ERICH1: variants seen among roughly 807,000 people sequenced by gnomAD.
ERICH1 encodes the protein glutamate-rich protein 1.
In ERICH1, 56 loss-of-function variants were observed where a neutral mutation model predicts 39.6. That is an observed-to-expected ratio of 1.41 (90% CI 1.14 to 1.77). ERICH1 has a LOEUF of 1.77. Among genes scored for constraint, ERICH1 ranks in the 40% most tolerant of loss-of-function variants. ERICH1 has a pLI of 0.00. For synonymous variants in ERICH1, 313 were observed against 223.6 expected (o/e 1.40, Z -3.57); for missense variants, 826 against 575.4 (o/e 1.44, Z -4.45).
intron 3 of ERICH1, among the ~76,000 whole-genome samples, chr8:657,277 C>T (rs540537598): frequency 2.6e-5 from 4 of 152,198 alleles, no homozygotes; most frequent in Admixed American, 6.5e-5. Context: ...CTCTTGGAGA[C>T]TAAGGGTATT....
rs113301068 is a variant in ERICH1 at position 681,902 on chromosome 8, A to C, written c.305-7855T>G. On this transcript the variant is annotated intron_variant, in intron 3 of 5. Coordinates refer to ENST00000262109, the MANE Select transcript of ERICH1 (RefSeq NM_207332.3). ...GCAAGGACCCCACCCTTGACACCTG[A>C]TTGGGCTCCTCACCCCACCACGCCT... 2.0e-3 allele frequency among the ~76,000 whole-genome samples: 305 copies of C among 152,132 alleles called. 2 individuals are homozygous for C. The highest frequency in any genetic ancestry group is 6.9e-3 in the African/African-American group (286 of 41,506).
chr8:682,820 G>A (rs991997283), intron 3 of ERICH1, among the ~76,000 whole-genome samples: 2 of 152,196 alleles, frequency 1.3e-5, no homozygotes, highest in East Asian at 1.9e-4. Context: ...GTGAAAGTAG[G>A]CTAGGCATTT....
intron 3 of ERICH1, among the ~76,000 whole-genome samples, chr8:685,433 T>A (rs541985971): frequency 1.1e-3 from 174 of 152,304 alleles, no homozygotes; most frequent in African/African-American, 4.0e-3. Context: ...AACGCAACCA[T>A]CACAGGGTCC....
At chr8:692,217 A>C (rs1809055132) in intron 3 of ERICH1, among the ~76,000 whole-genome samples, 1 of 152,244 alleles carries the variant, frequency 6.6e-6, no homozygotes, top group South Asian at 2.1e-4. Context: ...TAAAGCATTA[A>C]CAAACATGGG....
At chr8:641,796 CTT>C (rs1799019246) in intron 3 of ERICH1, among the ~76,000 whole-genome samples, 1 of 152,190 alleles carries the variant, frequency 6.6e-6, no homozygotes, top group African/African-American at 2.4e-5. Context: ...ATGAAGCTCT[CTT>C]TGGTTCCTGC....
At chr8:702,597 C>A (rs967180386) in intron 2 of ERICH1, among the ~76,000 whole-genome samples, 2 of 152,342 alleles carry the variant, frequency 1.3e-5, no homozygotes, top group East Asian at 3.9e-4. Context: ...CAATCAAAAG[C>A]TAAACATGAA....
At chr8:677,251 C>T (rs1346130278) in intron 3 of ERICH1, among the ~76,000 whole-genome samples, 9 of 152,274 alleles carry the variant, frequency 5.9e-5, no homozygotes, top group African/African-American at 2.2e-4. Context: ...CCAGCCTCCC[C>T]TCTTCATTGG....
chr8:724,511 CGGCA>C (rs1473128935), intron 1 of ERICH1, among the ~76,000 whole-genome samples: 1 of 152,046 alleles, frequency 6.6e-6, no homozygotes, highest in East Asian at 1.9e-4. Context: ...CCGGAGAGGC[CGGCA>C]CTGCCCCGAC....
At chr8:626,262 G>A (rs934531018) in intron 3 of ERICH1, 1 of 152,164 alleles carries the variant, frequency 6.6e-6, no homozygotes, top group Non-Finnish European at 1.5e-5. Context: ...AATTGTGATG[G>A]TTAAGAAAAT....
At chr8:724,028 G>A (rs1034856132) in intron 1 of ERICH1, among the ~76,000 whole-genome samples, 13 of 152,112 alleles carry the variant, frequency 8.5e-5, no homozygotes, top group Admixed American at 7.2e-4. Context: ...GCAGAAGTGG[G>A]CAAGCTTTCT....
At chr8:617,381 T>A (rs1796986100) in intron 3 of ERICH1, among the ~76,000 whole-genome samples, 1 of 152,184 alleles carries the variant, frequency 6.6e-6, no homozygotes, top group African/African-American at 2.4e-5. Context: ...GCCTCACCGT[T>A]CTCAGCACTG....
At chr8:656,841 C>T (rs1800725097) in intron 3 of ERICH1, 1 of 985,350 alleles carries the variant, frequency 1.0e-6, no homozygotes, top group African/African-American at 1.7e-5. Context: ...CCGGGGAGCC[C>T]CCCAGCATGC....
At chr8:626,446 G>A (rs2117066091) in intron 3 of ERICH1, 1 of 152,394 alleles carries the variant, frequency 6.6e-6, no homozygotes, top group Non-Finnish European at 1.5e-5. Context: ...GGGTTCTTAG[G>A]TGAAGAAATG....
chr8:651,753 G>A (rs1002777955), intron 3 of ERICH1, among the ~76,000 whole-genome samples: 7 of 148,628 alleles, frequency 4.7e-5, no homozygotes, highest in Non-Finnish European at 7.5e-5. Context: ...GAGAGAGGCT[G>A]AGACGGAGCG....
At chr8:678,369 T>C (rs968980517) in intron 3 of ERICH1, among the ~76,000 whole-genome samples, 3 of 151,870 alleles carry the variant, frequency 2.0e-5, no homozygotes, top group Non-Finnish European at 2.9e-5. Flanking sequence ...CACAACGACA[T>C]GCAAATCAGT....
At chr8:699,884 T>TCCGCACACGCGCACAGGC (rs1811423246) in intron 2 of ERICH1, among the ~76,000 whole-genome samples, 1 of 15,554 alleles carries the variant, frequency 6.4e-5, no homozygotes, top group Non-Finnish European at 1.2e-4. Context: ...GGCGCACAGA[T>TCCGCACACGCGCACAGGC]CCGCACACGC....
In ERICH1 at chr8:653,936, G is replaced by C. The variant is rs73670350; in HGVS notation, c.976+14662C>G. The stretch of plus-strand genomic sequence containing the variant: ...GATGTTATGCTGGGTGAAATGAGCT[G>C]GTCACAGAAGGACAAATCCCGCAGG... On this transcript the variant is annotated intron_variant, in intron 3 of 3. Transcript: ENST00000522706. Among the ~76,000 whole-genome samples, 876 of 152,056 alleles carry C rather than the reference G, an allele frequency of 5.8e-3. 8 individuals carry two copies. Among genetic ancestry groups the C allele is most frequent in the African/African-American group, 0.021 (853 of 41,454 alleles).
intron 2 of ERICH1, among the ~76,000 whole-genome samples, chr8:699,476 C>A (rs1811173896): frequency 6.6e-6 from 1 of 152,182 alleles, no homozygotes; most frequent in Non-Finnish European, 1.5e-5. Flanking sequence ...ACGAGCACAA[C>A]AATGCTGCCT....
rs1179959656 is a variant in ERICH1 at position 690,546 on chromosome 8, G to A, written c.304+1932C>T. ...CGCTGCGGGGGCCTAGATGGCCTCC[G>A]GGAGGGTGGAAACCAAGTCTCAGAG... On this transcript the variant is annotated intron_variant, in intron 3 of 5. Transcript: ENST00000262109. Among the ~76,000 whole-genome samples, 8 of 152,368 alleles carry A rather than the reference G, an allele frequency of 5.3e-5. No individual in the cohort carries two copies. In the South Asian group the frequency reaches 1.4e-3, roughly 28 times the overall value.
Sources: allele counts gnomAD v4.1 joint callset (sites outside exome capture counted in the v4.1 genomes callset), GRCh38; gene constraint gnomAD v4.1.1; transcripts MANE v1.5; gene names NCBI Gene and HGNC (gene_info 2026-07-23, HGNC 2026-07-21).